RAD51B: variants seen among roughly 807,000 people sequenced by gnomAD.
RAD51B encodes DNA repair protein RAD51 homolog 2.
Under a neutral mutation model 42.2 loss-of-function variants are expected in RAD51B, and 38 were observed. The ratio of observed to expected loss-of-function variants is 0.90; its 90% CI spans 0.70 to 1.18. The LOEUF is 1.18. RAD51B is among the 50% of genes most tolerant of loss of function. The pLI, the probability that RAD51B is intolerant of heterozygous loss-of-function variation, is 0.00. For synonymous variants in RAD51B, 154 were observed against 145.2 expected (o/e 1.06, Z -0.43); for missense variants, 373 against 400.7 (o/e 0.93, Z 0.59).
chr14:68,112,901 G>C (rs1339606617), intron 7 of RAD51B, among the ~76,000 whole-genome samples: 1 of 152,070 alleles, frequency 6.6e-6, no homozygotes, highest in Non-Finnish European at 1.5e-5. Context: ...TTGCTACGTA[G>C]AAAATTTACT....
At chr14:68,489,693 G>A (rs975092062) in intron 10 of RAD51B, among the ~76,000 whole-genome samples, 5 of 152,172 alleles carry the variant, frequency 3.3e-5, no homozygotes, top group African/African-American at 1.2e-4. Context: ...GCCTTTCCCA[G>A]TGCAGGGCTG....
Position 68,348,653 on chromosome 14 carries a change from A to G in RAD51B, c.853+56673A>G, listed in dbSNP as rs542850437. Among the ~76,000 whole-genome samples, 690 of 152,358 alleles carry G rather than the reference A, an allele frequency of 4.5e-3. 7 individuals carry two copies. Among genetic ancestry groups the G allele is most frequent in the African/African-American group, 0.015 (644 of 41,588 alleles). On this transcript the variant is annotated intron_variant, in intron 8 of 10. Transcript: ENST00000471583. ...GGTGGCTCACGCCTGTAATCCCAGC[A>G]CTTTGGGAGGCCGAGGTGGGCGGAT...
intron 4 of RAD51B, among the ~76,000 whole-genome samples, chr14:67,851,335 G>A (rs2041800473): frequency 6.6e-6 from 1 of 152,018 alleles, no homozygotes; most frequent in Admixed American, 6.5e-5. Context: ...CTGGGTGAGG[G>A]GCTAAACTCT....
intron 7 of RAD51B, among the ~76,000 whole-genome samples, chr14:68,158,600 G>A (rs1039688186): frequency 3.3e-5 from 5 of 152,224 alleles, no homozygotes; most frequent in Admixed American, 6.5e-5. Flanking sequence ...ACTTTTAAAT[G>A]TATAAAATTT....
intron 7 of RAD51B, among the ~76,000 whole-genome samples, chr14:68,020,256 C>T (rs1237948451): frequency 2.0e-5 from 3 of 152,008 alleles, no homozygotes; most frequent in African/African-American, 4.8e-5. Flanking sequence ...ACCACAGGCA[C>T]GTGCCACCAT....
chr14:68,131,052 A>G (rs530548858), intron 7 of RAD51B, among the ~76,000 whole-genome samples: 1 of 152,314 alleles, frequency 6.6e-6, no homozygotes, highest in African/African-American at 2.4e-5. Flanking sequence ...GAATTATTAA[A>G]TTCCTTTAGA....
At chr14:68,264,951 A>G (rs1214029647) in intron 7 of RAD51B, among the ~76,000 whole-genome samples, 2 of 152,238 alleles carry the variant, frequency 1.3e-5, no homozygotes, top group Non-Finnish European at 2.9e-5. Flanking sequence ...GAAATAGCAT[A>G]TAATACTTCC....
At chr14:67,942,411 C>T (rs1285409238) in intron 7 of RAD51B, among the ~76,000 whole-genome samples, 2 of 152,126 alleles carry the variant, frequency 1.3e-5, no homozygotes, top group East Asian at 1.9e-4. Context: ...CAGAGAATAG[C>T]TTGACTTCAG....
intron 8 of RAD51B, among the ~76,000 whole-genome samples, chr14:68,337,704 C>T (rs192787371): frequency 2.6e-5 from 4 of 152,330 alleles, no homozygotes; most frequent in Admixed American, 2.6e-4. Flanking sequence ...AAAACCTCTT[C>T]AGGACATTCT....
intron 7 of RAD51B, among the ~76,000 whole-genome samples, chr14:68,198,419 TATAA>T (rs2079418194): frequency 6.6e-6 from 1 of 152,208 alleles, no homozygotes; most frequent in South Asian, 2.1e-4. Flanking sequence ...ATTTTTTTGG[TATAA>T]ATATTTTGCA....
chr14:68,357,830 G>T (rs944601424), intron 8 of RAD51B, among the ~76,000 whole-genome samples: 21 of 152,160 alleles, frequency 1.4e-4, no homozygotes, highest in African/African-American at 4.3e-4. Flanking sequence ...ATTCCTTGTT[G>T]TTCCATTTCT....
At chr14:68,665,799 C>A (rs771911474) in intron 11 of RAD51B, among the ~76,000 whole-genome samples, 2 of 152,216 alleles carry the variant, frequency 1.3e-5, no homozygotes, top group Non-Finnish European at 2.9e-5. Context: ...GGTACCCATG[C>A]CCCTGTTTCT....
At chr14:68,343,776 T>C (rs2082617195) in intron 8 of RAD51B, among the ~76,000 whole-genome samples, 1 of 152,276 alleles carries the variant, frequency 6.6e-6, no homozygotes, top group Non-Finnish European at 1.5e-5. Flanking sequence ...GCCTGGGCCA[T>C]TGCCCTGCTC....
chr14:68,504,295 A>G (rs1885127514), intron 10 of RAD51B, among the ~76,000 whole-genome samples: 1 of 152,200 alleles, frequency 6.6e-6, no homozygotes. Context: ...GGTCTAGGAA[A>G]GAAGGTGGGC....
chr14:68,381,633 G>A lies in RAD51B; in HGVS notation c.854-29791G>A, dbSNP rs35293943. ...AGAGCTTGCAGTGAGCCGAGTTTGC[G>A]CCACTGCACTCCAGCCTGCTCAGGC... On this transcript the variant is annotated intron_variant, in intron 8 of 10. Coordinates refer to ENST00000471583, the MANE Select transcript of RAD51B (RefSeq NM_133510.4). Among the ~76,000 whole-genome samples the A allele has an allele frequency of 3.7e-3, 559 of 152,198 alleles. 4 individuals carry two copies. The highest frequency in any genetic ancestry group is 6.8e-3 in the Non-Finnish European group (463 of 68,006).
At chr14:68,063,951 C>G (rs1278222103) in intron 7 of RAD51B, among the ~76,000 whole-genome samples, 1 of 151,788 alleles carries the variant, frequency 6.6e-6, no homozygotes, top group Non-Finnish European at 1.5e-5. Context: ...TGTCTTTTTC[C>G]TTTTTCTTAA....
chr14:68,622,686 C>T (rs1208850330), intron 10 of RAD51B, among the ~76,000 whole-genome samples: 3 of 125,544 alleles, frequency 2.4e-5, no homozygotes, highest in African/African-American at 9.4e-5. Flanking sequence ...TGGTGACTTA[C>T]AGGATTTGAT....
chr14:67,847,893 C>G (rs1257008149), intron 4 of RAD51B, among the ~76,000 whole-genome samples: 2 of 152,096 alleles, frequency 1.3e-5, no homozygotes, highest in African/African-American at 4.8e-5. Context: ...GAAGCCCCCC[C>G]CCATTTTTGT....
intron 10 of RAD51B, among the ~76,000 whole-genome samples, chr14:68,512,412 G>A (rs113994485): frequency 0.013 from 2,055 of 152,286 alleles, 46 homozygotes; most frequent in African/African-American, 0.046. Flanking sequence ...ATAATTCCTC[G>A]ATTATAAATC....
Sources: gnomAD v4.1 joint callset for allele counts (sites outside exome capture counted in the v4.1 genomes callset) on GRCh38, gnomAD v4.1.1 for gene constraint, MANE v1.5 for transcripts, NCBI Gene and HGNC (gene_info 2026-07-23, HGNC 2026-07-21) for gene names.